MDGA2: variants seen among roughly 807,000 people sequenced by gnomAD.
MDGA2 encodes the protein MAM domain containing glycosylphosphatidylinositol anchor 2.
MDGA2 carries 40 observed loss-of-function variants against 117.8 expected under a neutral mutation model. The observed-to-expected ratio is 0.34, with a 90% CI of 0.26 to 0.44. The LOEUF is 0.44. MDGA2 is among the 20% of genes least tolerant of loss of function. The pLI is 1.00. For synonymous variants in MDGA2, 452 were observed against 439.0 expected (o/e 1.03, Z -0.37); for missense variants, 1,123 against 1,250.6 (o/e 0.90, Z 1.54).
intron 1 of MDGA2, among the ~76,000 whole-genome samples, chr14:47,389,182 T>C (rs1008201368): frequency 2.1e-4 from 32 of 151,876 alleles, no homozygotes; most frequent in African/African-American, 7.8e-4. Flanking sequence ...TACTAGCAAA[T>C]AGCTGGTGCT....
intron 1 of MDGA2, among the ~76,000 whole-genome samples, chr14:47,559,640 T>G (rs946004638): frequency 3.3e-5 from 5 of 152,018 alleles, no homozygotes; most frequent in African/African-American, 9.7e-5. Context: ...TGGCACGATC[T>G]TGGCTCACTG....
intron 1 of MDGA2, among the ~76,000 whole-genome samples, chr14:47,562,188 A>AT (rs1280481362): frequency 1.3e-5 from 2 of 151,910 alleles, no homozygotes; most frequent in South Asian, 2.1e-4. Context: ...CTGAAGTTGT[A>AT]TTTTTTTGTT....
intron 9 of MDGA2, among the ~76,000 whole-genome samples, chr14:46,939,989 T>C (rs1252813578): frequency 2.0e-5 from 3 of 152,262 alleles, no homozygotes; most frequent in Middle Eastern, 3.4e-3. Context: ...AGGAACTACA[T>C]CTACTTCAAG....
intron 1 of MDGA2, among the ~76,000 whole-genome samples, chr14:47,611,299 C>G (rs1896843527): frequency 6.6e-6 from 1 of 152,052 alleles, no homozygotes. Flanking sequence ...TTGGCTTAGG[C>G]AAAGATTTCA....
At chr14:47,422,112 T>C (rs1892592404) in intron 1 of MDGA2, among the ~76,000 whole-genome samples, 1 of 152,156 alleles carries the variant, frequency 6.6e-6, no homozygotes, top group African/African-American at 2.4e-5. Context: ...GCCAGCATTT[T>C]CTGATTTTTA....
chr14:47,634,491 G>C (rs113136872), intron 1 of MDGA2, among the ~76,000 whole-genome samples: 9 of 152,098 alleles, frequency 5.9e-5, no homozygotes, highest in African/African-American at 2.2e-4. Flanking sequence ...TTCCTCAAAT[G>C]TAAAAACACA....
At chr14:47,024,692 G>C (rs927949083) in intron 8 of MDGA2, among the ~76,000 whole-genome samples, 3 of 152,114 alleles carry the variant, frequency 2.0e-5, no homozygotes, top group Non-Finnish European at 4.4e-5. Flanking sequence ...AAAAGTATTT[G>C]ACTTCTTTCT....
chr14:47,068,134 C>T (rs961309668), intron 6 of MDGA2, among the ~76,000 whole-genome samples: 5 of 152,136 alleles, frequency 3.3e-5, no homozygotes, highest in African/African-American at 1.2e-4. Context: ...TGTGAATTTA[C>T]TCAAAGCTAA....
At position 46,905,726 on chromosome 14, in the gene MDGA2, C is replaced by A. The variant is rs140717415; in HGVS notation, c.2238+14286G>T. 1.1e-4 allele frequency among the ~76,000 whole-genome samples: 16 copies of A among 152,020 alleles called. No individual in the cohort carries two copies. In the East Asian group the frequency reaches 2.7e-3, roughly 26 times the overall value. On this transcript the variant is annotated intron_variant, in intron 10 of 16. Transcript: ENST00000399232. Reference sequence around the variant, plus strand: ...ATGAAATATTCATAAGCATAAAGTTCAATTCATGATGACAAAAAGAAAAAA... The same window carrying A: ...ATGAAATATTCATAAGCATAAAGTTAAATTCATGATGACAAAAAGAAAAAA...
At chr14:47,138,270 G>T (rs1389734701) in intron 4 of MDGA2, among the ~76,000 whole-genome samples, 2 of 151,906 alleles carry the variant, frequency 1.3e-5, no homozygotes, top group Non-Finnish European at 2.9e-5. Flanking sequence ...TTTTGCAAGT[G>T]AATTTTCATG....
At chr14:46,876,705 C>CA (rs35355047) in intron 12 of MDGA2, among the ~76,000 whole-genome samples, 25,604 of 150,204 alleles carry the variant, frequency 0.17, 2,653 homozygotes, top group Middle Eastern at 0.24. Context: ...AAAAACAAAA[C>CA]AAAAAAAAAC....
At chr14:47,405,202 C>A (rs955907534) in intron 1 of MDGA2, among the ~76,000 whole-genome samples, 9 of 152,018 alleles carry the variant, frequency 5.9e-5, no homozygotes, top group African/African-American at 2.2e-4. Context: ...AATTAAAATC[C>A]TTTTTAAATC....
intron 10 of MDGA2, among the ~76,000 whole-genome samples, chr14:46,886,500 G>C (rs2138404644): frequency 6.6e-6 from 1 of 152,140 alleles, no homozygotes; most frequent in East Asian, 1.9e-4. Flanking sequence ...AATAAACACT[G>C]AGTTGAAGAT....
In MDGA2 at chr14:47,323,149, G is replaced by GATATATAT. The variant is rs58765297; in HGVS notation, c.281-21607_281-21600dup. ...AAGCCCCAGAGAAAAAAGAGTCATGGATATATATATATATATATATATATA... is the reference window on the plus strand; with the variant it reads ...AAGCCCCAGAGAAAAAAGAGTCATGGATATATATATATATATATATATATATATATATA... On this transcript the variant is annotated intron_variant, in intron 1 of 16. Transcript: ENST00000399232. 3.6e-3 allele frequency among the ~76,000 whole-genome samples: 387 copies of GATATATAT among 107,412 alleles called. 4 individuals are homozygous for GATATATAT. The highest frequency in any genetic ancestry group is 4.5e-3 in the Non-Finnish European group (236 of 51,872). 70.5% of individuals were successfully genotyped at this position (107,412 alleles called of 152,430 possible).
intron 2 of MDGA2, among the ~76,000 whole-genome samples, chr14:47,291,410 T>C (rs1262868536): frequency 2.0e-5 from 3 of 152,140 alleles, no homozygotes; most frequent in Admixed American, 1.3e-4. Flanking sequence ...AGGTAAAAAA[T>C]GCCATGATGT....
At chr14:47,544,445 T>A (rs1212448867) in intron 1 of MDGA2, among the ~76,000 whole-genome samples, 2 of 152,170 alleles carry the variant, frequency 1.3e-5, no homozygotes, top group East Asian at 3.8e-4. Context: ...TCAAATCCAA[T>A]TCTGAATGAA....
intron 3 of MDGA2, among the ~76,000 whole-genome samples, chr14:47,210,306 T>C (rs1885835656): frequency 2.0e-5 from 3 of 152,200 alleles, no homozygotes; most frequent in African/African-American, 7.2e-5. Context: ...TGGAAAAGAT[T>C]TGTCTCATGT....
At chr14:47,289,611 TA>T (rs368557736) in intron 2 of MDGA2, among the ~76,000 whole-genome samples, 3 of 152,012 alleles carry the variant, frequency 2.0e-5, no homozygotes, top group Non-Finnish European at 4.4e-5. Context: ...ATTTCCACAT[TA>T]AAAAAATTAC....
chr14:47,546,756 C>A (rs1895470932), intron 1 of MDGA2, among the ~76,000 whole-genome samples: 1 of 152,090 alleles, frequency 6.6e-6, no homozygotes, highest in African/African-American at 2.4e-5. Flanking sequence ...TCTGGGATTT[C>A]AAATTAATTT....
Sources: allele counts gnomAD v4.1 joint callset (sites outside exome capture counted in the v4.1 genomes callset), GRCh38; gene constraint gnomAD v4.1.1; transcripts MANE v1.5; gene names NCBI Gene and HGNC (gene_info 2026-07-23, HGNC 2026-07-21).